SYBU: variants seen among roughly 807,000 people sequenced by gnomAD.
The protein encoded by SYBU is syntabulin.
A neutral mutation model predicts 35.9 loss-of-function variants in SYBU; 21 were observed. The ratio of observed to expected loss-of-function variants is 0.58; its 90% confidence interval spans 0.41 to 0.84. The LOEUF (loss-of-function observed/expected upper bound fraction) is 0.84. Ranked by LOEUF, SYBU falls within the 40% of genes least tolerant of loss-of-function variation. SYBU has a pLI of 0.00. For missense variants in SYBU, 768 were observed against 848.2 expected, an observed-to-expected ratio of 0.91 and a Z score of 1.17; for synonymous variants, 319 against 324.3, an observed-to-expected ratio of 0.98 and a Z score of 0.18.
At chr8:109,667,586 A>G (rs1399615042) in intron 1 of SYBU, among the ~76,000 whole-genome samples, 2 of 151,072 alleles carry the variant, frequency 1.3e-5, no homozygotes, top group African/African-American at 4.8e-5. Context: ...CTGTGCATAA[A>G]TAAAATGCTT....
At chr8:109,671,411 C>T (rs1418581037) in intron 1 of SYBU, among the ~76,000 whole-genome samples, 1 of 152,112 alleles carries the variant, frequency 6.6e-6, no homozygotes, top group Admixed American at 6.5e-5. Flanking sequence ...CAGCCTAAAC[C>T]TCAAAGAGCC....
At position 109,589,022 on chromosome 8, in the gene SYBU, T is replaced by C. The variant is rs1823932457; in HGVS notation, c.428-2860A>G. Reference sequence around the variant, plus strand: ...TAAAAATACAAAAATTAGCTGGGTGTGGTGGTGAGCGCCTGTAATCCTAGC... The same window carrying C: ...TAAAAATACAAAAATTAGCTGGGTGCGGTGGTGAGCGCCTGTAATCCTAGC... On this transcript the variant is annotated intron_variant, in intron 3 of 6. Transcript: ENST00000276646. Among the ~76,000 whole-genome samples, 4 of 152,068 alleles carry C rather than the reference T, an allele frequency of 2.6e-5. No individual in the cohort carries two copies. The South Asian group carries it at 8.3e-4, about 31-fold the overall frequency.
intron 1 of SYBU, among the ~76,000 whole-genome samples, chr8:109,656,857 T>C (rs148190381): frequency 1.4e-3 from 220 of 152,252 alleles, no homozygotes; most frequent in African/African-American, 5.0e-3. Flanking sequence ...TTCACCCAAA[T>C]ACTATTATTT....
At chr8:109,684,355 A>T (rs2130787411), upstream of SYBU, among the ~76,000 whole-genome samples, 1 of 152,328 alleles carries the variant, frequency 6.6e-6, no homozygotes, top group East Asian at 1.9e-4. Flanking sequence ...GTTCAGGATG[A>T]TTGATAAGTT....
chr8:109,691,583 G>A lies in SYBU; in HGVS notation c.-308C>T. 1 of 435,682 alleles carries A rather than the reference G, an allele frequency of 2.3e-6. No homozygotes were observed. Among genetic ancestry groups the A allele is most frequent in the East Asian group, 3.8e-5 (1 of 26,164 alleles). 27.0% of individuals were successfully genotyped at this position (435,682 alleles called of 1,614,324 possible). ...CTCGGCCTCTGCAGCCAGCCGGGCG[G>A]CTGCTGGGGCTGAGGACAAAATGGA... On this transcript the variant is annotated 5_prime_UTR_variant, in exon 1 of 8. Transcript: ENST00000422135. This position sits in a 1 kb window ranked among gnomAD's most constrained non-coding sequence, Gnocchi z 4.7.
rs1172581154 is a variant in SYBU, at chr8:109,691,187, G to A, written c.-58+146C>T. 5.2e-6 allele frequency: 3 copies of A among 575,810 alleles called. No homozygotes were observed. 35.7% of individuals were successfully genotyped at this position (575,810 alleles called of 1,614,324 possible). ...ACGACCTTCTTCTGTGCATCGCCGA[G>A]CACCCTGGATACCTCCCGCATTGGA... On this transcript the variant is annotated intron_variant, in intron 1 of 7. Transcript: ENST00000422135. This position sits in a 1 kb window ranked among gnomAD's most constrained non-coding sequence, Gnocchi z 4.7.
upstream of SYBU, among the ~76,000 whole-genome samples, chr8:109,649,285 A>G (rs552751679): frequency 2.4e-4 from 36 of 152,138 alleles, no homozygotes; most frequent in African/African-American, 8.7e-4. Flanking sequence ...TACAGGCATT[A>G]GCCACCGTGC....
At position 109,612,448 on chromosome 8, in the gene SYBU, T is replaced by C. The variant is rs1187429398; in HGVS notation, c.427+6394A>G. On this transcript the variant is annotated intron_variant, in intron 3 of 6. Transcript: ENST00000276646. ...TATAACTGGCAAGCTATTAGAAAAA[T>C]TATGCCTTGCCAAAGTATGCAGAAT... 2.6e-5 allele frequency among the ~76,000 whole-genome samples: 4 copies of C among 152,254 alleles called. No individual in the cohort carries two copies. The East Asian group carries it at 7.7e-4, about 29-fold the overall frequency.
At chr8:109,621,578 T>C (rs757456678) in intron 2 of SYBU, among the ~76,000 whole-genome samples, 2 of 152,206 alleles carry the variant, frequency 1.3e-5, no homozygotes, top group Non-Finnish European at 2.9e-5. Flanking sequence ...TGGTCTTTCA[T>C]TGGTTAAATG....
At chr8:109,586,819 G>A (rs1222264898) in intron 3 of SYBU, among the ~76,000 whole-genome samples, 1 of 152,190 alleles carries the variant, frequency 6.6e-6, no homozygotes, top group Non-Finnish European at 1.5e-5. Flanking sequence ...TAGCTTCAGG[G>A]TGGGATTACA....
intron 1 of SYBU, among the ~76,000 whole-genome samples, chr8:109,664,146 A>G (rs1816673590): frequency 6.6e-6 from 1 of 152,182 alleles, no homozygotes; most frequent in South Asian, 2.1e-4. Context: ...AATGGCTCCA[A>G]TTGAGAGGGA....
Position 109,575,653 on chromosome 8 carries a change from A to AGAT in SYBU, c.1242_1244dup (p.Ser415dup), listed in dbSNP as rs1214283222. The AGAT allele has an allele frequency of 2.5e-6, 4 of 1,614,008 alleles. No individual in the cohort carries two copies. The highest frequency in any genetic ancestry group is 3.4e-6 in the Non-Finnish European group (4 of 1,180,002). On this transcript the variant is annotated inframe_insertion, in exon 7 of 7. Coordinates refer to ENST00000276646, the MANE Select transcript of SYBU (RefSeq NM_001099754.2). The stretch of plus-strand genomic sequence containing the variant: ...CTTCCCCCGTGACCTGCTCTTCCAG[A>AGAT]GATAACCCATCTGCCATTGTGTCAA...
rs551434393 is a variant in SYBU at position 109,613,273 on chromosome 8, G to A, written c.427+5569C>T. Among the ~76,000 whole-genome samples the A allele has an allele frequency of 7.9e-5, 12 of 152,330 alleles. No homozygotes were observed. The South Asian group carries it at 2.5e-3, about 32-fold the overall frequency. On this transcript the variant is annotated intron_variant, in intron 3 of 6. Transcript: ENST00000276646. Reference sequence around the variant, plus strand: ...TTCCTGTACATGAAGTGCACAGAATGTGTGGCATCTATTTTAAGAGCTACA... The same window carrying A: ...TTCCTGTACATGAAGTGCACAGAATATGTGGCATCTATTTTAAGAGCTACA...
chr8:109,576,771 C>A (rs1253284945), intron 6 of SYBU, among the ~76,000 whole-genome samples: 3 of 152,064 alleles, frequency 2.0e-5, no homozygotes, highest in African/African-American at 7.2e-5. Flanking sequence ...TAAATTCTTT[C>A]TTATATATAA....
rs567297406 is a variant in SYBU, at chr8:109,607,349, A to G, written c.427+11493T>C. On this transcript the variant is annotated intron_variant, in intron 3 of 6. Transcript: ENST00000276646. The stretch of plus-strand genomic sequence containing the variant: ...AAGTAAATTAAAACTGGCCAGAGAG[A>G]TGTGTTCTGAGTAATTTTCATGGTA... Among the ~76,000 whole-genome samples the G allele has an allele frequency of 2.3e-4, 35 of 152,266 alleles. 1 individual carries two copies. In the South Asian group the frequency reaches 7.3e-3, roughly 32 times the overall value.
upstream of SYBU, among the ~76,000 whole-genome samples, chr8:109,682,628 G>A (rs1427386646): frequency 6.6e-6 from 1 of 152,138 alleles, no homozygotes; most frequent in Non-Finnish European, 1.5e-5. Flanking sequence ...CAATAGAAAA[G>A]AAAAACCCAT....
At chr8:109,621,053 C>A (rs1237476451) in intron 2 of SYBU, among the ~76,000 whole-genome samples, 1 of 152,156 alleles carries the variant, frequency 6.6e-6, no homozygotes, top group East Asian at 1.9e-4. Flanking sequence ...TAAATCACTT[C>A]TTTTGAAAGA....
chr8:109,587,078 G>A (rs1823705061), intron 3 of SYBU, among the ~76,000 whole-genome samples: 1 of 152,114 alleles, frequency 6.6e-6, no homozygotes, highest in South Asian at 2.1e-4. Flanking sequence ...AAAACGTGAA[G>A]TACCATGTGC....
rs375318343 is a variant in SYBU, at chr8:109,642,759, C to T, written c.198G>A (p.Ala66=). 53 of 1,610,472 alleles carry T rather than the reference C, an allele frequency of 3.3e-5. No individual in the cohort carries two copies. Among genetic ancestry groups the T allele is most frequent in the Admixed American group, 6.7e-5 (4 of 59,344 alleles). ...AGAAGCTGTTGCTGCTAACGGTCCT[C>T]GCTGAGCGCCCAGAGCTGCTGGGGT... ...EFNPSSSGRS[A]RTVSSNSFCS... Residue 66 remains alanine (A), a synonymous_variant, in exon 2 of 7, where the codon GCG becomes GCA. Transcript: ENST00000276646.
Sources: gnomAD v4.1 joint callset for allele counts (sites outside exome capture counted in the v4.1 genomes callset) on GRCh38, gnomAD v4.1.1 for gene constraint, Gnocchi (gnomAD v3.1) non-coding constraint, MANE v1.5 for transcripts, NCBI Gene and HGNC (gene_info 2026-07-23, HGNC 2026-07-21) for gene names.